The following TTC28 variants were observed in gnomAD, a reference collection of about 807,000 sequenced individuals.
The protein encoded by TTC28 is tetratricopeptide repeat domain 28.
Under a neutral mutation model 198.0 loss-of-function variants are expected in TTC28, and 61 were observed. The ratio of observed to expected loss-of-function variants is 0.31; its 90% CI spans 0.25 to 0.38. TTC28 has a LOEUF of 0.38. TTC28 is among the 10% of genes least tolerant of loss of function. The probability of loss-of-function intolerance (pLI) is 1.00; values close to 1 mark genes in which losing one functional copy is unlikely to be tolerated. For synonymous variants in TTC28, 1,171 were observed against 1,297.8 expected (o/e 0.90, Z 2.10); for missense variants, 2,678 against 3,164.0 (o/e 0.85, Z 3.69).
intron 12 of TTC28, among the ~76,000 whole-genome samples, chr22:28,077,196 T>G (rs1226708077): frequency 6.6e-6 from 1 of 152,208 alleles, no homozygotes; most frequent in Non-Finnish European, 1.5e-5. Flanking sequence ...AGAATTTTGC[T>G]ATTGTTTACA....
chr22:28,122,743 C>T (rs888774071), intron 6 of TTC28, among the ~76,000 whole-genome samples: 6 of 152,206 alleles, frequency 3.9e-5, no homozygotes, highest in South Asian at 2.1e-4. Flanking sequence ...TTAGATCATT[C>T]GTTATAGATT....
intron 12 of TTC28, among the ~76,000 whole-genome samples, chr22:28,051,399 A>C (rs1018453400): frequency 2.0e-5 from 3 of 152,242 alleles, no homozygotes; most frequent in African/African-American, 7.2e-5. Context: ...AGTTTTCTGA[A>C]ACAAGTCAAA....
intron 5 of TTC28, among the ~76,000 whole-genome samples, chr22:28,247,051 G>A (rs1276902837): frequency 3.3e-5 from 5 of 152,088 alleles, no homozygotes; most frequent in African/African-American, 9.7e-5. Flanking sequence ...GGGCAGTTAC[G>A]CCAAATATAA....
At chr22:28,402,510 G>A (rs2046931436) in intron 2 of TTC28, among the ~76,000 whole-genome samples, 1 of 152,132 alleles carries the variant, frequency 6.6e-6, no homozygotes, top group African/African-American at 2.4e-5. Flanking sequence ...GATAACAAGG[G>A]CTTTCTGGAC....
chr22:28,377,442 C>T (rs2046429607), intron 2 of TTC28, among the ~76,000 whole-genome samples: 1 of 151,334 alleles, frequency 6.6e-6, no homozygotes. Context: ...GAATTTGTGT[C>T]TGAATCTTTG....
rs1024952366 is a variant in TTC28 at position 28,109,906 on chromosome 22, T to C, written c.1442-1503A>G. ...TCTGTTAAAACATCTGAACTAAAAATAGATGCTCTGAGAAAGAAAGCTGTG... is the reference window on the plus strand; with the variant it reads ...TCTGTTAAAACATCTGAACTAAAAACAGATGCTCTGAGAAAGAAAGCTGTG... On this transcript the variant is annotated intron_variant, in intron 6 of 22. Coordinates refer to ENST00000397906, the MANE Select transcript of TTC28 (RefSeq NM_001145418.2). Among the ~76,000 whole-genome samples the C allele has an allele frequency of 2.6e-5, 4 of 152,330 alleles. No homozygotes were observed. The South Asian group carries it at 8.3e-4, about 32-fold the overall frequency.
chr22:28,192,317 G>A lies in TTC28; in HGVS notation c.934-28718C>T, dbSNP rs1207794519. Among the ~76,000 whole-genome samples the A allele has an allele frequency of 2.6e-5, 4 of 152,180 alleles. No homozygotes were observed. The East Asian group carries it at 7.7e-4, about 29-fold the overall frequency. ...TCACCATCATCAAAGACCAAAGGTAGATAAAACCACAAAGATGGGGAAAAA... is the reference window on the plus strand; with the variant it reads ...TCACCATCATCAAAGACCAAAGGTAAATAAAACCACAAAGATGGGGAAAAA... On this transcript the variant is annotated intron_variant, in intron 5 of 22. Coordinates refer to ENST00000397906, the MANE Select transcript of TTC28 (RefSeq NM_001145418.2).
chr22:28,152,235 G>C lies in TTC28; in HGVS notation c.1441+10857C>G, dbSNP rs1414611252. On this transcript the variant is annotated intron_variant, in intron 6 of 22. Transcript: ENST00000397906. The stretch of plus-strand genomic sequence containing the variant: ...GAAAGGGCCGCTCCCTCCTGGTGGT[G>C]CATATACTCCTCTAGGAATGCTTGC... 2.6e-5 allele frequency among the ~76,000 whole-genome samples: 4 copies of C among 152,200 alleles called. No homozygotes were observed. In the East Asian group the frequency reaches 7.7e-4, roughly 29 times the overall value.
At chr22:28,132,760 C>T (rs892788630) in intron 6 of TTC28, among the ~76,000 whole-genome samples, 1 of 152,204 alleles carries the variant, frequency 6.6e-6, no homozygotes, top group Non-Finnish European at 1.5e-5. Flanking sequence ...AGTGAAACCA[C>T]TTACACAGCA....
intron 2 of TTC28, among the ~76,000 whole-genome samples, chr22:28,570,051 T>C (rs1055738060): frequency 4.6e-5 from 7 of 152,128 alleles, no homozygotes; most frequent in African/African-American, 1.7e-4. Flanking sequence ...AGTCAAAACA[T>C]AACAGACGTT....
At position 28,579,626 on chromosome 22, in the gene TTC28, ATGTG is replaced by A. The variant is rs71194778; in HGVS notation, c.381+49922_381+49925del. 1.9e-3 allele frequency among the ~76,000 whole-genome samples: 277 copies of A among 148,532 alleles called. 1 individual carries two copies. The highest frequency in any genetic ancestry group is 2.5e-3 in the Non-Finnish European group (165 of 66,956). ...AAAAATTATATAGTCACATATACAA[ATGTG>A]TGTGTGTGTGTGTGTGTATAAATAC... On this transcript the variant is annotated intron_variant, in intron 2 of 22. Coordinates refer to ENST00000397906, the MANE Select transcript of TTC28 (RefSeq NM_001145418.2).
intron 5 of TTC28, among the ~76,000 whole-genome samples, chr22:28,230,339 T>A (rs1398001958): frequency 6.6e-6 from 1 of 152,162 alleles, no homozygotes; most frequent in Non-Finnish European, 1.5e-5. Flanking sequence ...CACAGAGAGA[T>A]CTGTTGGCTG....
chr22:28,197,366 T>C (rs1925472492), intron 5 of TTC28, among the ~76,000 whole-genome samples: 1 of 151,952 alleles, frequency 6.6e-6, no homozygotes, highest in Non-Finnish European at 1.5e-5. Flanking sequence ...ACATGGCACA[T>C]GTATACATAT....
intron 12 of TTC28, among the ~76,000 whole-genome samples, chr22:28,072,248 G>A (rs1303654023): frequency 6.6e-6 from 1 of 152,182 alleles, no homozygotes; most frequent in East Asian, 1.9e-4. Context: ...GTGTGTGCCA[G>A]AGAAGGTGTG....
At chr22:28,264,649 G>A (rs535160725) in intron 5 of TTC28, among the ~76,000 whole-genome samples, 124 of 152,236 alleles carry the variant, frequency 8.1e-4, no homozygotes, top group Non-Finnish European at 1.3e-3. Flanking sequence ...ACGTGTGGGC[G>A]CGTGTGCTTA....
chr22:28,262,836 C>T (rs760087681), intron 5 of TTC28, among the ~76,000 whole-genome samples: 3 of 151,998 alleles, frequency 2.0e-5, no homozygotes, highest in Non-Finnish European at 4.4e-5. Flanking sequence ...ATGGTTCCTA[C>T]GATGAGAATG....
chr22:28,218,483 GT>G (rs559241430), intron 5 of TTC28, among the ~76,000 whole-genome samples: 375 of 151,794 alleles, frequency 2.5e-3, no homozygotes, highest in Non-Finnish European at 4.1e-3. Context: ...CATTCATTCA[GT>G]TTTTTTCACT....
At chr22:28,644,427 G>A (rs747696190) in intron 1 of TTC28, among the ~76,000 whole-genome samples, 7 of 148,224 alleles carry the variant, frequency 4.7e-5, no homozygotes, top group Non-Finnish European at 8.9e-5. Context: ...ACAGAACTCT[G>A]TTCCTACAGT....
At chr22:28,558,218 C>T (rs967460660) in intron 2 of TTC28, among the ~76,000 whole-genome samples, 7 of 152,224 alleles carry the variant, frequency 4.6e-5, no homozygotes, top group African/African-American at 1.7e-4. Flanking sequence ...TAAATAATTC[C>T]AGAGGAACTA....
Sources: allele counts gnomAD v4.1 joint callset (sites outside exome capture counted in the v4.1 genomes callset), GRCh38; gene constraint gnomAD v4.1.1; transcripts MANE v1.5; gene names NCBI Gene and HGNC (gene_info 2026-07-23, HGNC 2026-07-21).